The following NCSTN variants were observed in gnomAD, a reference collection of about 807,000 sequenced individuals.
NCSTN encodes the protein anterior pharynx-defective 2.
NCSTN carries 22 observed loss-of-function variants against 87.0 expected under a neutral mutation model. The observed-to-expected ratio is 0.25, with a 90% CI of 0.18 to 0.36. The LOEUF is 0.36. Among genes scored for constraint, NCSTN ranks in the 10% least tolerant of loss-of-function variants. The probability of loss-of-function intolerance (pLI) is 1.00; values close to 1 mark genes in which losing one functional copy is unlikely to be tolerated. For missense variants in NCSTN, 693 were observed against 883.3 expected (o/e 0.78, Z 2.73); for synonymous variants, 306 against 327.1 (o/e 0.94, Z 0.69).
intron 3 of NCSTN, 108 bp downstream of exon 3, chr1:160,349,230 A>C (rs1648697505): frequency 1.4e-6 from 2 of 1,448,016 alleles, no homozygotes; most frequent in Non-Finnish European, 1.9e-6. Context: ...TGGTCTGGTC[A>C]GGGGAGAGGG....
At position 160,356,280 on chromosome 1, in the gene NCSTN, G is replaced by A; in HGVS notation, c.1572G>A (p.Gly524=). 1 of 1,613,468 alleles carries A rather than the reference G, an allele frequency of 6.2e-7. No individual in the cohort carries two copies. The highest frequency in any genetic ancestry group is 8.5e-7 in the Non-Finnish European group (1 of 1,179,408). ...DPQTVTRLLY[G]FLIKANNSWF... ...CCTAGGTTACCCGCCTGCTCTATGGGTTCCTGATTAAAGCCAACAACTCAT... is the reference window on the plus strand; with the variant it reads ...CCTAGGTTACCCGCCTGCTCTATGGATTCCTGATTAAAGCCAACAACTCAT... Residue 524 remains glycine, a synonymous_variant, in exon 14 of 17, where the codon GGG becomes GGA. Coordinates refer to ENST00000294785, the MANE Select transcript of NCSTN (RefSeq NM_015331.3).
intron 1 of NCSTN, chr1:160,344,388 C>T: frequency 8.0e-7 from 1 of 1,247,356 alleles, no homozygotes; most frequent in Non-Finnish European, 1.1e-6. Flanking sequence ...ACAGGATATA[C>T]AAGCAGAAGT....
At chr1:160,345,900 C>T (rs1199822626) in intron 2 of NCSTN, among the ~76,000 whole-genome samples, 1 of 125,990 alleles carries the variant, frequency 7.9e-6, no homozygotes, top group Non-Finnish European at 1.6e-5. Flanking sequence ...GATTGTGCCA[C>T]CATACTCCAG....
At chr1:160,344,560 CGAT>C in intron 1 of NCSTN, 159 bp from the exon 2 acceptor site, 1 of 1,550,890 alleles carries the variant, frequency 6.4e-7, no homozygotes, top group Non-Finnish European at 8.7e-7. Flanking sequence ...GTATCTGTTA[CGAT>C]AAGTGTGTGC....
chr1:160,349,446 G>T, intron 3 of NCSTN, 103 bp from the exon 4 acceptor site: 1 of 1,468,808 alleles, frequency 6.8e-7, no homozygotes, highest in Non-Finnish European at 9.5e-7. Context: ...TAAGTCAACA[G>T]TTTGATTCCC....
intron 2 of NCSTN, among the ~76,000 whole-genome samples, chr1:160,348,265 C>T (rs1460183868): frequency 2.0e-5 from 3 of 152,214 alleles, no homozygotes; most frequent in African/African-American, 7.2e-5. Context: ...GCTTCCCAAT[C>T]TTTATCATGT....
rs1435826748 is a variant in NCSTN at position 160,343,385 on chromosome 1, CA to C, written c.-11del. ...GAGCCGAACGGGGGCTTCCGCTCAG[CA>C]GAGAGGCAAGATGGCTACGGCAGGG... On this transcript the variant is annotated 5_prime_UTR_variant, in exon 1 of 17. Transcript: ENST00000294785. The C allele has an allele frequency of 6.2e-7, 1 of 1,612,802 alleles. No individual in the cohort carries two copies. Among genetic ancestry groups the C allele is most frequent in the Admixed American group, 1.7e-5 (1 of 59,910 alleles).
intron 11 of NCSTN, among the ~76,000 whole-genome samples, chr1:160,355,147 T>C (rs1299291977): frequency 1.3e-5 from 2 of 152,214 alleles, no homozygotes; most frequent in Non-Finnish European, 2.9e-5. Context: ...GCTCAGCCTC[T>C]CTTTTAAGAT....
chr1:160,355,614 T>A lies in NCSTN; in HGVS notation c.1353-41T>A, dbSNP rs3737795. 2.0e-6 allele frequency: 3 copies of A among 1,472,938 alleles called. No homozygotes were observed. In the East Asian group the frequency reaches 6.8e-5, roughly 33 times the overall value. The allele number at this position is 1,472,938 out of a possible 1,614,324, so 91.2% of individuals were successfully genotyped here. ...TTGAGGGAGGAAAGGGGCAGAGCCC[T>A]GGCTAAATGTAGCCAAGGCTCATGC... On this transcript the variant is annotated intron_variant, in intron 11 of 16. Coordinates refer to ENST00000294785, the MANE Select transcript of NCSTN (RefSeq NM_015331.3).
At position 160,354,310 on chromosome 1, in the gene NCSTN, G is replaced by C. The variant is rs1187888288; in HGVS notation, c.1352+20G>C. On this transcript the variant is annotated intron_variant, in intron 11 of 16. Transcript: ENST00000294785. ...TAACAAGTAAGAATCACTTGGCCCTGCACCCTCTTCATTCTTGAAGAGAGT... is the reference window on the plus strand; with the variant it reads ...TAACAAGTAAGAATCACTTGGCCCTCCACCCTCTTCATTCTTGAAGAGAGT... 8.1e-6 allele frequency: 13 copies of C among 1,609,410 alleles called. 1 individual carries two copies. In the East Asian group the frequency reaches 1.8e-4, roughly 22 times the overall value.
chr1:160,357,149 T>C lies in NCSTN; in HGVS notation c.1903T>C (p.Phe635Leu). ...ATTAGCCAGGGCCTTGTCTCCTGCC[T>C]TTGAACTGAGTCAGTGGAGCTCTAC... ...ARLARALSPAFELSQWSSTEY... is the reference protein window; with the variant it reads ...ARLARALSPALELSQWSSTEY... Residue 635 changes from phenylalanine (F) to leucine (L), a missense_variant, in exon 16 of 17, where the codon TTT (phenylalanine) becomes CTT (leucine). Physicochemically the swap from Phe to Leu is conservative, Grantham distance 22 (BLOSUM62 0). Transcript: ENST00000294785. The C allele has an allele frequency of 6.2e-7, 1 of 1,614,126 alleles. No homozygotes were observed. Among genetic ancestry groups the C allele is most frequent in the Non-Finnish European group, 8.5e-7 (1 of 1,180,004 alleles).
intron 2 of NCSTN, among the ~76,000 whole-genome samples, chr1:160,346,063 C>T (rs746709290): frequency 1.3e-5 from 2 of 151,556 alleles, no homozygotes; most frequent in Non-Finnish European, 2.9e-5. Context: ...TTTATTTTCA[C>T]ACTTTGTGTG....
rs1364917322 is a variant in NCSTN, at chr1:160,357,116, A to G, written c.1870A>G (p.Thr624Ala). Reference protein sequence around the residue: ...TDRLPRCVRSTARLARALSPA... With the variant: ...TDRLPRCVRSAARLARALSPA... ...CCGACTCCCCCGGTGTGTGCGTTCT[A>G]CTGCACGATTAGCCAGGGCCTTGTC... Residue 624 changes from threonine to alanine, a missense_variant, in exon 16 of 17, where the codon ACT (threonine) becomes GCT (alanine). Thr to Ala is a moderately conservative substitution (Grantham distance 58). Coordinates refer to ENST00000294785, the MANE Select transcript of NCSTN (RefSeq NM_015331.3). The G allele has an allele frequency of 1.9e-6, 3 of 1,614,092 alleles. No individual in the cohort carries two copies. The highest frequency in any genetic ancestry group is 2.5e-6 in the Non-Finnish European group (3 of 1,180,020).
At chr1:160,353,340 A>G in intron 10 of NCSTN, 103 bp downstream of exon 10, 1 of 1,586,694 alleles carries the variant, frequency 6.3e-7, no homozygotes, top group Non-Finnish European at 8.6e-7. Flanking sequence ...GAGACAGGGT[A>G]AGAGACAGGA....
chr1:160,355,831 G>C (rs200269442), intron 12 of NCSTN, 32 bp from the exon 13 acceptor site: 9 of 1,605,470 alleles, frequency 5.6e-6, no homozygotes, highest in Non-Finnish European at 6.8e-6. Context: ...TAGGAGAGGT[G>C]GGCCATTCAG....
At chr1:160,349,767 C>T in intron 4 of NCSTN, 97 bp downstream of exon 4, 1 of 1,518,700 alleles carries the variant, frequency 6.6e-7, no homozygotes, top group Non-Finnish European at 9.1e-7. Flanking sequence ...GTGTTTGTGT[C>T]TGTGTGTAGT....
In NCSTN at chr1:160,352,151, A is replaced by G. The variant is rs199856782; in HGVS notation, c.941A>G (p.Lys314Arg). Reference sequence around the variant, plus strand: ...CTGGCTGCTGCTGAAGCTTTGCAAAAGGCACCTGATGTGACCACCCTGCCC... The same window carrying G: ...CTGGCTGCTGCTGAAGCTTTGCAAAGGGCACCTGATGTGACCACCCTGCCC... ...TQLAAAEALQ[K>R]APDVTTLPRN... Residue 314 changes from lysine to arginine, a missense_variant, in exon 8 of 17, where the codon AAG becomes AGG. Lys to Arg is a conservative substitution (Grantham distance 26, BLOSUM62 2). Around this residue, in one of 4 missense-constraint regions of NCSTN, gnomAD observed 134 missense variants for 226.0 expected, o/e 0.59. Coordinates refer to ENST00000294785, the MANE Select transcript of NCSTN (RefSeq NM_015331.3). 3.1e-6 allele frequency: 5 copies of G among 1,614,088 alleles called. No individual in the cohort carries two copies. Among genetic ancestry groups the G allele is most frequent in the Non-Finnish European group, 4.2e-6 (5 of 1,180,038 alleles).
At position 160,352,211 on chromosome 1, in the gene NCSTN, GGGCTCTTT is replaced by G. The variant is rs769595488; in HGVS notation, c.996+10_996+17del. On this transcript the variant is annotated splice_donor_region_variant and intron_variant, in intron 8 of 16. Coordinates refer to ENST00000294785, the MANE Select transcript of NCSTN (RefSeq NM_015331.3). ...ATGTTTGTCTTCTTTCAAGGGGTAA[GGGCTCTTT>G]GGCTGGGGTGCAATGGCAGGGAAGA... 1.9e-6 allele frequency: 3 copies of G among 1,614,012 alleles called. No individual in the cohort carries two copies. Among genetic ancestry groups the G allele is most frequent in the Non-Finnish European group, 2.5e-6 (3 of 1,179,916 alleles).
In NCSTN at chr1:160,343,954, G is replaced by GTTTTTTT. The variant is rs35301624; in HGVS notation, c.85+489_85+495dup. 603 of 152,368 alleles carry GTTTTTTT rather than the reference G, an allele frequency of 4.0e-3. 17 individuals carry two copies. The highest frequency in any genetic ancestry group is 0.02 in the African/African-American group (562 of 28,762). The allele number at this position is 152,368 out of a possible 1,614,324, so 9.4% of individuals were successfully genotyped here. ...TCTGTGTCCCCCTGCCTTGCCTCAG[G>GTTTTTTT]TTTTTTTTTTTTTTTTTTTTTTAAT... On this transcript the variant is annotated intron_variant, in intron 1 of 16. Transcript: ENST00000294785.
Sources: gnomAD v4.1 joint callset for allele counts (sites outside exome capture counted in the v4.1 genomes callset) on GRCh38, gnomAD v4.1.1 for gene constraint, gnomAD v4.1.1 regional missense constraint, MANE v1.5 for transcripts, NCBI Gene and HGNC (gene_info 2026-07-23, HGNC 2026-07-21) for gene names.